Variants in KIAA1217 observed in about 807,000 individuals in gnomAD.
KIAA1217 encodes the protein sickle tail protein homolog.
In KIAA1217, 88 loss-of-function variants were observed where a neutral mutation model predicts 163.9. That is an observed-to-expected ratio of 0.54 (90% CI 0.45 to 0.64). The LOEUF (loss-of-function observed/expected upper bound fraction) is 0.64, where lower values mean the gene tolerates loss of function less well. Among genes scored for constraint, KIAA1217 ranks in the 30% least tolerant of loss-of-function variants. KIAA1217 has a pLI of 0.00. For missense variants in KIAA1217, 2,372 were observed against 2,475.0 expected (o/e 0.96, Z 0.88); for synonymous variants, 903 against 923.1 (o/e 0.98, Z 0.39).
intron 1 of KIAA1217, among the ~76,000 whole-genome samples, chr10:23,850,910 T>A (rs1392031290): frequency 6.6e-6 from 1 of 151,940 alleles, no homozygotes; most frequent in East Asian, 1.9e-4. Context: ...AACAACCACG[T>A]CTCGTGAGAA....
intron 1 of KIAA1217, among the ~76,000 whole-genome samples, chr10:23,791,092 A>T (rs1303258410): frequency 6.6e-6 from 1 of 152,142 alleles, no homozygotes; most frequent in Non-Finnish European, 1.5e-5. Flanking sequence ...AATTAAAATG[A>T]GGGGAAAAAA....
At chr10:24,013,805 A>G (rs1465077410) in intron 2 of KIAA1217, among the ~76,000 whole-genome samples, 2 of 152,092 alleles carry the variant, frequency 1.3e-5, no homozygotes, top group African/African-American at 4.8e-5. Context: ...GCCATGCGCT[A>G]TGGGGAGTGC....
At chr10:24,232,825 T>C (rs2071602868) in intron 2 of KIAA1217, among the ~76,000 whole-genome samples, 1 of 141,242 alleles carries the variant, frequency 7.1e-6, no homozygotes, top group Non-Finnish European at 1.5e-5. Context: ...TTGAACATTA[T>C]ATAAAAAGTA....
chr10:24,266,662 A>C (rs188502809), intron 2 of KIAA1217, among the ~76,000 whole-genome samples: 4 of 152,230 alleles, frequency 2.6e-5, no homozygotes, highest in African/African-American at 7.2e-5. Flanking sequence ...CGCTCTGTAA[A>C]ATGCACTAAT....
rs571657415 is a variant in KIAA1217, at chr10:23,804,577, C to T, written c.-321+109343C>T. ...ATACATGGCCAGTATGAACATAGGT[C>T]TTGTCCTTGGTGCTTCTGCAGTCTA... On this transcript the variant is annotated intron_variant, in intron 1 of 18. Coordinates refer to the KIAA1217 transcript ENST00000376462. Among the ~76,000 whole-genome samples, 16 of 152,280 alleles carry T rather than the reference C, an allele frequency of 1.1e-4. No individual in the cohort carries two copies. The South Asian group carries it at 2.7e-3, about 26-fold the overall frequency.
intron 3 of KIAA1217, 87 bp downstream of exon 3, chr10:24,381,154 C>T (rs889212648): frequency 1.0e-6 from 1 of 987,340 alleles, no homozygotes; most frequent in Non-Finnish European, 1.4e-6. Flanking sequence ...TTTCATTCAA[C>T]ATTAATTTGA....
intron 2 of KIAA1217, among the ~76,000 whole-genome samples, chr10:24,260,877 C>G (rs1283318531): frequency 6.6e-6 from 1 of 151,946 alleles, no homozygotes; most frequent in African/African-American, 2.4e-5. Context: ...ATCTTGTTTC[C>G]CCTGTTCTGT....
At chr10:23,778,221 T>A (rs1835094030) in intron 1 of KIAA1217, among the ~76,000 whole-genome samples, 1 of 152,216 alleles carries the variant, frequency 6.6e-6, no homozygotes, top group Non-Finnish European at 1.5e-5. Flanking sequence ...ATTACAGGTG[T>A]GAGCCACCAT....
At chr10:24,517,710 A>G (rs918427069) in intron 10 of KIAA1217, among the ~76,000 whole-genome samples, 5 of 152,138 alleles carry the variant, frequency 3.3e-5, no homozygotes, top group Admixed American at 1.3e-4. Flanking sequence ...CTGTGAAGAG[A>G]TGGGCTGGGC....
intron 6 of KIAA1217, among the ~76,000 whole-genome samples, chr10:24,491,041 T>C (rs2066048580): frequency 6.6e-6 from 1 of 152,138 alleles, no homozygotes; most frequent in African/African-American, 2.4e-5. Context: ...TAGGATGTTG[T>C]TTGGGAGTTG....
chr10:24,364,125 C>T (rs1591334647), intron 2 of KIAA1217, among the ~76,000 whole-genome samples: 1 of 151,530 alleles, frequency 6.6e-6, no homozygotes, highest in South Asian at 2.1e-4. Flanking sequence ...ATTACAGGCG[C>T]CCACCACCAC....
intron 3 of KIAA1217, among the ~76,000 whole-genome samples, chr10:24,397,108 C>CTTTTTTTTT (rs34660362): frequency 2.6e-5 from 3 of 114,738 alleles, no homozygotes; most frequent in Non-Finnish European, 5.3e-5. Flanking sequence ...GTAAGAAACT[C>CTTTTTTTTT]TTTTTTTTTT....
intron 2 of KIAA1217, among the ~76,000 whole-genome samples, chr10:24,325,070 A>G (rs1458405497): frequency 6.6e-6 from 1 of 151,984 alleles, no homozygotes. Flanking sequence ...AATCCTAGAA[A>G]CTCTCACTTC....
chr10:23,853,758 G>A (rs1053755906), intron 1 of KIAA1217, among the ~76,000 whole-genome samples: 2 of 152,056 alleles, frequency 1.3e-5, no homozygotes, highest in South Asian at 2.1e-4. Context: ...TGTGTGTGTC[G>A]AGGAATTTAT....
In KIAA1217 at chr10:23,766,587, C is replaced by CTTTTT. The variant is rs766892555; in HGVS notation, c.-321+71355_-321+71359dup. Among the ~76,000 whole-genome samples the CTTTTT allele has an allele frequency of 8.7e-4, 116 of 133,760 alleles. 2 individuals carry two copies. The highest frequency in any genetic ancestry group is 2.4e-3 in the African/African-American group (82 of 33,574). 87.8% of individuals were successfully genotyped at this position (133,760 alleles called of 152,430 possible). A position where few individuals can be genotyped will look rare whatever the true frequency, so the allele number is the denominator to read the frequency against. ...TCTTTTCTTTTTTTTTTCTTTCTTT[C>CTTTTT]TTTTTTCTTTTTTTTTTTTGAGACA... On this transcript the variant is annotated intron_variant, in intron 1 of 18. Coordinates refer to the KIAA1217 transcript ENST00000376462.
At chr10:24,218,409 C>T (rs994875708) in intron 1 of KIAA1217, among the ~76,000 whole-genome samples, 24 of 152,098 alleles carry the variant, frequency 1.6e-4, no homozygotes, top group South Asian at 4.1e-4. Flanking sequence ...CATTGCTCTT[C>T]CTTTTCACTG....
chr10:23,767,412 G>T (rs964473649), intron 1 of KIAA1217, among the ~76,000 whole-genome samples: 1 of 152,128 alleles, frequency 6.6e-6, no homozygotes, highest in African/African-American at 2.4e-5. Flanking sequence ...AAATTCTGGA[G>T]TCCCAACTAA....
intron 2 of KIAA1217, among the ~76,000 whole-genome samples, chr10:24,263,719 TTG>T (rs1399782579): frequency 2.6e-5 from 4 of 152,156 alleles, no homozygotes; most frequent in African/African-American, 9.7e-5. Flanking sequence ...TTGAGTGGGG[TTG>T]TGTCTCTATT....
At chr10:24,424,896 C>G (rs1391076900) in intron 3 of KIAA1217, among the ~76,000 whole-genome samples, 1 of 152,120 alleles carries the variant, frequency 6.6e-6, no homozygotes, top group East Asian at 1.9e-4. Context: ...CCACCGCGCC[C>G]GGCCTCTTTT....
Sources: gnomAD v4.1 joint callset for allele counts (sites outside exome capture counted in the v4.1 genomes callset) on GRCh38, gnomAD v4.1.1 for gene constraint, MANE v1.5 for transcripts, NCBI Gene and HGNC (gene_info 2026-07-23, HGNC 2026-07-21) for gene names.